Variants in PPIC observed in about 807,000 individuals in gnomAD.
PPIC encodes the protein peptidylprolyl isomerase C, also known as peptidyl-prolyl cis-trans isomerase C.
A neutral mutation model predicts 19.5 loss-of-function variants in PPIC; 19 were observed. The observed-to-expected ratio is 0.98, with a 90% CI of 0.68 to 1.43. PPIC has a LOEUF of 1.43. Among genes scored for constraint, PPIC ranks in the 40% most tolerant of loss-of-function variants. PPIC has a pLI of 0.00. For synonymous variants in PPIC, 107 were observed against 101.2 expected, an observed-to-expected ratio of 1.06 and a Z score of -0.34; for missense variants, 268 against 268.6, an observed-to-expected ratio of 1.00 and a Z score of 0.02.
intron 3 of PPIC, chr5:123,028,411 G>T (rs1561750077): frequency 1.7e-5 from 3 of 179,332 alleles, no homozygotes; most frequent in East Asian, 2.9e-4. Flanking sequence ...GCCCACCTCT[G>T]CCGCACGCTG....
chr5:123,036,525 G>A lies in PPIC; in HGVS notation c.101C>T (p.Pro34Leu), dbSNP rs760510901. ...SGAEGFRKRG[P>L]SVTAKVFFDV... ...CTCGGTCACCTTGGCCGTCACCGAG[G>A]GGCCTCGCTTGCGGAAGCCCTCGGC... is the stretch of plus-strand genomic sequence containing the variant. Residue 34 changes from proline (P) to leucine (L), a missense_variant, in exon 1 of 5, where the codon CCC (proline) becomes CTC (leucine). Physicochemically the swap from Pro to Leu is moderately conservative, Grantham distance 98 (BLOSUM62 -3). Coordinates refer to ENST00000306442, the MANE Select transcript of PPIC (RefSeq NM_000943.5). This position sits in a 1 kb window ranked among gnomAD's most constrained non-coding sequence, Gnocchi z 4.5. 4.4e-6 allele frequency: 7 copies of A among 1,606,694 alleles called. No individual in the cohort carries two copies. The East Asian group carries it at 1.1e-4, about 26-fold the overall frequency.
Position 123,036,714 on chromosome 5 carries a change from G to T in PPIC, c.-89C>A. 8.8e-7 allele frequency: 1 copy of T among 1,135,916 alleles called. No individual in the cohort carries two copies. Among genetic ancestry groups the T allele is most frequent in the Non-Finnish European group, 1.2e-6 (1 of 806,952 alleles). The allele number at this position is 1,135,916 out of a possible 1,614,324, so 70.4% of individuals were successfully genotyped here. On this transcript the variant is annotated 5_prime_UTR_variant, in exon 1 of 5. Coordinates refer to ENST00000306442, the MANE Select transcript of PPIC (RefSeq NM_000943.5). The surrounding 1 kb of genome is among the most constrained non-coding windows in gnomAD (Gnocchi z 4.5). ...GGGACAGCTGACGGGACTGCCGGCC[G>T]GCTGCGCCTGCGCGCTCCCGGTTGC...
In PPIC at chr5:123,031,478, T is replaced by TGTGTGCAGAGA. The variant is rs1325827388; in HGVS notation, c.118-2061_118-2060insTCTCTGCACAC. 2.0e-5 allele frequency among the ~76,000 whole-genome samples: 3 copies of TGTGTGCAGAGA among 152,166 alleles called. No individual in the cohort carries two copies. In the East Asian group the frequency reaches 5.8e-4, roughly 29 times the overall value. On this transcript the variant is annotated intron_variant, in intron 1 of 4. Transcript: ENST00000306442. ...GACTTCTTTCTGGAACCAATGCACC[T>TGTGTGCAGAGA]AGGCAGGAAATGTGACCTGTGTGCA...
Position 123,036,156 on chromosome 5 carries a change from C to A in PPIC, c.117+353G>T. 1 of 271,724 alleles carries A rather than the reference C, an allele frequency of 3.7e-6. No homozygotes were observed. Among genetic ancestry groups the A allele is most frequent in the Non-Finnish European group, 7.0e-6 (1 of 142,230 alleles). 16.8% of individuals were successfully genotyped at this position (271,724 alleles called of 1,614,324 possible). On this transcript the variant is annotated intron_variant, in intron 1 of 4. Coordinates refer to ENST00000306442, the MANE Select transcript of PPIC (RefSeq NM_000943.5). The surrounding 1 kb of genome is among the most constrained non-coding windows in gnomAD (Gnocchi z 4.5). ...TCGTTCTGCTCCCGAGCCCAGGCCACGCTGAAGGAAGTACTTGGGCAGTCT... is the reference window on the plus strand; with the variant it reads ...TCGTTCTGCTCCCGAGCCCAGGCCAAGCTGAAGGAAGTACTTGGGCAGTCT...
Position 123,036,657 on chromosome 5 carries a change from G to A in PPIC, c.-32C>T, listed in dbSNP as rs1763020622. On this transcript the variant is annotated 5_prime_UTR_variant, in exon 1 of 5. Transcript: ENST00000306442. The surrounding 1 kb of genome is among the most constrained non-coding windows in gnomAD (Gnocchi z 4.5). ...CGGTGGCAGCGGCGCTACCGGCACG[G>A]GCGCTACCGGCACGGGCGCGACACA... The A allele has an allele frequency of 7.2e-6, 11 of 1,533,644 alleles. No individual in the cohort carries two copies. Among genetic ancestry groups the A allele is most frequent in the Non-Finnish European group, 8.8e-6 (10 of 1,132,670 alleles).
At chr5:123,033,827 G>C (rs1032028392) in intron 1 of PPIC, among the ~76,000 whole-genome samples, 1 of 152,244 alleles carries the variant, frequency 6.6e-6, no homozygotes, top group African/African-American at 2.4e-5. Flanking sequence ...TATGTGTGCA[G>C]CTGGAAGGAT....
Position 123,024,113 on chromosome 5 carries a change from G to T in PPIC, c.511-110C>A, listed in dbSNP as rs1762814741. ...GCCCAAGTGGGAAGGAAATAAGGTT[G>T]GTTGGTTGGTTGGTTTTTTATGACT... On this transcript the variant is annotated intron_variant, in intron 4 of 4. Coordinates refer to ENST00000306442, the MANE Select transcript of PPIC (RefSeq NM_000943.5). The T allele has an allele frequency of 3.8e-6, 5 of 1,318,498 alleles. No individual in the cohort carries two copies. The South Asian group carries it at 4.9e-5, about 13-fold the overall frequency. 81.7% of individuals were successfully genotyped at this position (1,318,498 alleles called of 1,614,324 possible). A position where few individuals can be genotyped will look rare whatever the true frequency, so the allele number is the denominator to read the frequency against.
Position 123,029,386 on chromosome 5 carries a change from A to C in PPIC, c.150T>G (p.Asp50Glu), listed in dbSNP as rs781055075. The C allele has an allele frequency of 1.2e-6, 2 of 1,608,202 alleles. No homozygotes were observed. The highest frequency in any genetic ancestry group is 2.2e-5 in the South Asian group (2 of 89,974). The change falls in exon 2 of 5, where the codon GAT (aspartate) becomes GAG (glutamate). Residue 50 changes from aspartate to glutamate, a missense_variant. Physicochemically the swap from Asp to Glu is conservative, Grantham distance 45. Transcript: ENST00000306442. ...VFFDVRIGDKDVGRIVIGLFG... is the reference protein window; with the variant it reads ...VFFDVRIGDKEVGRIVIGLFG... ...AGAGGCCAATCACAATTCTGCCAAC[A>C]TCTTTGTCTCCAATCCTCACATCAA...
At chr5:123,033,103 G>A (rs1448114467) in intron 1 of PPIC, among the ~76,000 whole-genome samples, 1 of 152,160 alleles carries the variant, frequency 6.6e-6, no homozygotes, top group African/African-American at 2.4e-5. Flanking sequence ...CAATGGCCAT[G>A]GAAACTTCAG....
At chr5:123,029,743 A>G (rs928401305) in intron 1 of PPIC, among the ~76,000 whole-genome samples, 2 of 152,178 alleles carry the variant, frequency 1.3e-5, no homozygotes, top group Non-Finnish European at 2.9e-5. Context: ...TACCCCAGAC[A>G]AACGCTGCTG....
rs770035332 is a variant in PPIC, at chr5:123,025,911, C to T, written c.383G>A (p.Gly128Asp). The change falls in exon 4 of 5, where the codon GGC (glycine) becomes GAC (aspartate). Residue 128 changes from glycine (G) to aspartate (D), a missense_variant. By Grantham distance (94) the Gly-to-Asp change is moderately conservative. Coordinates refer to ENST00000306442, the MANE Select transcript of PPIC (RefSeq NM_000943.5). ...GTTGGCCATGCTGACCCACCCAATG[C>T]CATAGTGCTTCAGCTTGAAGTTCTC... ...PDENFKLKHY[G>D]IGWVSMANAG... 1.2e-6 allele frequency: 2 copies of T among 1,612,930 alleles called. No individual in the cohort carries two copies. The highest frequency in any genetic ancestry group is 1.1e-5 in the South Asian group (1 of 90,632).
chr5:123,035,080 C>T (rs1762988346), intron 1 of PPIC, among the ~76,000 whole-genome samples: 2 of 152,216 alleles, frequency 1.3e-5, no homozygotes, highest in African/African-American at 4.8e-5. Flanking sequence ...CCCCTCCAAC[C>T]TCATCTCAAG....
At position 123,024,017 on chromosome 5, in the gene PPIC, A is replaced by G. The variant is rs1289080746; in HGVS notation, c.511-14T>C. The G allele has an allele frequency of 6.2e-7, 1 of 1,610,982 alleles. No individual in the cohort carries two copies. On this transcript the variant is annotated splice_polypyrimidine_tract_variant and intron_variant, in intron 4 of 4. Transcript: ENST00000306442. ...GTGCACCACTGTCTGGTGAGAGAAA[A>G]GTAGACACATGGTTTAATTCTGACC...
At chr5:123,031,026 G>C (rs972428067) in intron 1 of PPIC, among the ~76,000 whole-genome samples, 1 of 152,280 alleles carries the variant, frequency 6.6e-6, no homozygotes, top group African/African-American at 2.4e-5. Flanking sequence ...TAACTCTTCA[G>C]CAAAAATCAC....
In PPIC at chr5:123,023,807, A is replaced by ACAC. The variant is rs1554081579; in HGVS notation, c.*67_*68insGTG. 2.3e-6 allele frequency: 3 copies of ACAC among 1,294,944 alleles called. No individual in the cohort carries two copies. Among genetic ancestry groups the ACAC allele is most frequent in the African/African-American group, 3.1e-5 (2 of 64,578 alleles). The allele number at this position is 1,294,944 out of a possible 1,614,324, so 80.2% of individuals were successfully genotyped here. A position where few individuals can be genotyped will look rare whatever the true frequency, so the allele number is the denominator to read the frequency against. ...AAAGCAAATAATTGAAAGACAACAC[A>ACAC]ACACACACACACACACACACACACA... On this transcript the variant is annotated 3_prime_UTR_variant, in exon 5 of 5. Transcript: ENST00000306442.
At chr5:123,032,089 G>T (rs1762952379) in intron 1 of PPIC, among the ~76,000 whole-genome samples, 1 of 152,206 alleles carries the variant, frequency 6.6e-6, no homozygotes, top group Non-Finnish European at 1.5e-5. Context: ...GAGCCACAGC[G>T]CCCAGCCAGG....
intron 1 of PPIC, among the ~76,000 whole-genome samples, chr5:123,033,244 GGGACTAT>G (rs1453614316): frequency 6.6e-6 from 1 of 152,190 alleles, no homozygotes; most frequent in African/African-American, 2.4e-5. Flanking sequence ...TCTGAAATCA[GGGACTAT>G]GGACTATGTG....
chr5:123,031,447 C>G (rs1762939969), intron 1 of PPIC, among the ~76,000 whole-genome samples: 1 of 152,132 alleles, frequency 6.6e-6, no homozygotes, highest in Non-Finnish European at 1.5e-5. Flanking sequence ...TGAGCCTTGC[C>G]TGGCAGACTT....
intron 4 of PPIC, among the ~76,000 whole-genome samples, chr5:123,024,298 A>G (rs1762818133): frequency 1.3e-5 from 2 of 152,236 alleles, no homozygotes; most frequent in Admixed American, 1.3e-4. Flanking sequence ...CTAAAAAAGT[A>G]GATATTTTTG....
Sources: gnomAD v4.1 joint callset for allele counts (sites outside exome capture counted in the v4.1 genomes callset) on GRCh38, gnomAD v4.1.1 for gene constraint, Gnocchi (gnomAD v3.1) non-coding constraint, MANE v1.5 for transcripts, NCBI Gene and HGNC (gene_info 2026-07-23, HGNC 2026-07-21) for gene names.